The following EFCAB11 variants were observed in gnomAD, a reference collection of about 807,000 sequenced individuals.
EFCAB11 encodes the protein EF-hand calcium binding domain 11.
A neutral mutation model predicts 23.0 loss-of-function variants in EFCAB11; 14 were observed. The ratio of observed to expected loss-of-function variants is 0.61; its 90% confidence interval spans 0.40 to 0.95. EFCAB11 has a LOEUF of 0.95. EFCAB11 is among the 40% of genes least tolerant of loss of function. The pLI, the probability that EFCAB11 is intolerant of heterozygous loss-of-function variation, is 0.00. For missense variants in EFCAB11, 198 were observed against 195.8 expected (o/e 1.01, Z -0.07); for synonymous variants, 65 against 66.6 (o/e 0.98, Z 0.11).
chr14:89,931,849 A>AC, intron 4 of EFCAB11, among the ~76,000 whole-genome samples: 1 of 152,210 alleles, frequency 6.6e-6, no homozygotes, highest in South Asian at 2.1e-4. Flanking sequence ...GCTGATCTTG[A>AC]AGGTCACTTC....
chr14:89,894,921 GA>G (rs943785316), intron 5 of EFCAB11, among the ~76,000 whole-genome samples: 1 of 152,050 alleles, frequency 6.6e-6, no homozygotes, highest in Non-Finnish European at 1.5e-5. Context: ...AACAAAAGAA[GA>G]AAAAAAGCTG....
At chr14:89,926,313 A>T (rs1890192412) in intron 5 of EFCAB11, among the ~76,000 whole-genome samples, 1 of 152,216 alleles carries the variant, frequency 6.6e-6, no homozygotes, top group Non-Finnish European at 1.5e-5. Flanking sequence ...ATTTATGTGG[A>T]AAAAGTTATA....
chr14:89,914,152 T>A (rs917847731), intron 5 of EFCAB11, among the ~76,000 whole-genome samples: 1 of 152,186 alleles, frequency 6.6e-6, no homozygotes, highest in African/African-American at 2.4e-5. Context: ...ACACCACATA[T>A]AGCTAACAAT....
chr14:89,858,461 G>A (rs1331642058), intron 5 of EFCAB11, among the ~76,000 whole-genome samples: 1 of 152,118 alleles, frequency 6.6e-6, no homozygotes, highest in Non-Finnish European at 1.5e-5. Context: ...TAAAATGCAG[G>A]TCAACAGGCT....
rs555823565 is a variant in EFCAB11 at position 89,951,762 on chromosome 14, A to G, written c.172-1620T>C. 3.5e-3 allele frequency among the ~76,000 whole-genome samples: 527 copies of G among 151,846 alleles called. 1 individual carries two copies. Among genetic ancestry groups the G allele is most frequent in the Middle Eastern group, 0.014 (4 of 294 alleles). ...CATCTCTACTAAAAACACAAAAAAA[A>G]AAAAAGAAAAAAAAGAACCGGGTAT... On this transcript the variant is annotated intron_variant, in intron 2 of 5. Coordinates refer to ENST00000316738, the MANE Select transcript of EFCAB11 (RefSeq NM_145231.4).
intron 5 of EFCAB11, among the ~76,000 whole-genome samples, chr14:89,887,161 C>T (rs921503970): frequency 6.6e-6 from 1 of 152,014 alleles, no homozygotes; most frequent in Non-Finnish European, 1.5e-5. Context: ...GACAGATAGA[C>T]AATAAGGAAA....
intron 3 of EFCAB11, among the ~76,000 whole-genome samples, chr14:89,943,410 T>C (rs1338078513): frequency 1.3e-5 from 2 of 151,780 alleles, no homozygotes; most frequent in Non-Finnish European, 2.9e-5. Context: ...CCTGGCTCAT[T>C]TTTGTATTTT....
At chr14:89,943,249 T>C (rs1452701860) in intron 3 of EFCAB11, among the ~76,000 whole-genome samples, 1 of 146,186 alleles carries the variant, frequency 6.8e-6, no homozygotes, top group Non-Finnish European at 1.5e-5. Flanking sequence ...TCAGACCTGT[T>C]TTTTTTTTTT....
chr14:89,954,769 T>C, upstream of EFCAB11: 1 of 1,480,906 alleles, frequency 6.8e-7, no homozygotes, highest in Non-Finnish European at 9.0e-7. Context: ...AAGCCGAACT[T>C]CACCGCGCAA....
chr14:89,919,654 G>T (rs552348491), intron 5 of EFCAB11, among the ~76,000 whole-genome samples: 142 of 152,148 alleles, frequency 9.3e-4, no homozygotes, highest in Non-Finnish European at 1.4e-3. Flanking sequence ...GAGTAGGGGG[G>T]AGAGTAAAGG....
chr14:89,836,416 T>A (rs1398739445), intron 5 of EFCAB11: 1 of 368,342 alleles, frequency 2.7e-6, no homozygotes, highest in Non-Finnish European at 5.3e-6. Flanking sequence ...CTGAGGCTGC[T>A]TTTAGTACCT....
chr14:89,867,178 C>T lies in EFCAB11; in HGVS notation c.410+64363G>A, dbSNP rs180797883. Among the ~76,000 whole-genome samples, 383 of 152,306 alleles carry T rather than the reference C, an allele frequency of 2.5e-3. 2 individuals are homozygous for T. Among genetic ancestry groups the T allele is most frequent in the Middle Eastern group, 6.8e-3 (2 of 294 alleles). ...CCTGCCTCACCATCAGCAAATAGGA[C>T]CTGAACTGCTGAATGATTCCATGAT... On this transcript the variant is annotated intron_variant, in intron 5 of 5. Coordinates refer to ENST00000316738, the MANE Select transcript of EFCAB11 (RefSeq NM_145231.4).
At chr14:89,857,876 G>T (rs1019187338) in intron 5 of EFCAB11, among the ~76,000 whole-genome samples, 1 of 152,028 alleles carries the variant, frequency 6.6e-6, no homozygotes, top group Non-Finnish European at 1.5e-5. Context: ...TTATACAAGA[G>T]AATAAAAAGA....
At chr14:89,951,983 T>C (rs934067763) in intron 2 of EFCAB11, among the ~76,000 whole-genome samples, 3 of 152,202 alleles carry the variant, frequency 2.0e-5, no homozygotes, top group African/African-American at 7.2e-5. Context: ...TGATTTATTA[T>C]ATAAGTATTT....
intron 5 of EFCAB11, among the ~76,000 whole-genome samples, chr14:89,842,534 C>T (rs1796028073): frequency 6.6e-6 from 1 of 152,138 alleles, no homozygotes; most frequent in Admixed American, 6.5e-5. Flanking sequence ...GAGATCGTGC[C>T]ACTGCACTCT....
At chr14:89,886,541 AAAAG>A (rs141911098) in intron 5 of EFCAB11, among the ~76,000 whole-genome samples, 51,965 of 93,690 alleles carry the variant, frequency 0.55, 15,101 homozygotes, top group Non-Finnish European at 0.64. Context: ...AAAAAAAAAA[AAAAG>A]GAAAGTGATC....
chr14:89,921,542 G>A (rs1017397097), intron 5 of EFCAB11, among the ~76,000 whole-genome samples: 3 of 152,210 alleles, frequency 2.0e-5, no homozygotes, highest in African/African-American at 7.2e-5. Flanking sequence ...TTGGAGTGGG[G>A]CCTGAGATTA....
intron 5 of EFCAB11, among the ~76,000 whole-genome samples, chr14:89,890,441 C>T (rs1452866784): frequency 6.6e-6 from 1 of 152,178 alleles, no homozygotes; most frequent in Non-Finnish European, 1.5e-5. Flanking sequence ...TATATATTTT[C>T]TATATCTCTT....
In EFCAB11 at chr14:89,875,720, C is replaced by T. The variant is rs938867816; in HGVS notation, c.410+55821G>A. 8.6e-4 allele frequency among the ~76,000 whole-genome samples: 131 copies of T among 152,052 alleles called. 11 individuals carry two copies. The highest frequency in any genetic ancestry group is 1.5e-5 in the Non-Finnish European group (1 of 68,008). The stretch of plus-strand genomic sequence containing the variant: ...GTCATTGAGGATACCCAGAGAAAGA[C>T]GTTCAGTAGGAGTTGAAGATGGGGG... On this transcript the variant is annotated intron_variant, in intron 5 of 5. Coordinates refer to ENST00000316738, the MANE Select transcript of EFCAB11 (RefSeq NM_145231.4).
Sources: allele counts gnomAD v4.1 joint callset (sites outside exome capture counted in the v4.1 genomes callset), GRCh38; gene constraint gnomAD v4.1.1; transcripts MANE v1.5; gene names NCBI Gene and HGNC (gene_info 2026-07-23, HGNC 2026-07-21).